The following UGT2B17 variants were observed in gnomAD, a reference collection of about 807,000 sequenced individuals.
UGT2B17 encodes the protein UDP glucuronosyltransferase family 2 member B17.
Under a neutral mutation model 48.2 loss-of-function variants are expected in UGT2B17, and 21 were observed. The observed-to-expected ratio is 0.44, with a 90% CI of 0.31 to 0.63. The LOEUF (loss-of-function observed/expected upper bound fraction) is 0.63, where lower values mean the gene tolerates loss of function less well. Among genes scored for constraint, UGT2B17 ranks in the 20% least tolerant of loss-of-function variants. UGT2B17 has a pLI of 0.08. For synonymous variants in UGT2B17, 146 were observed against 238.4 expected (o/e 0.61, Z 3.57); for missense variants, 402 against 696.1 (o/e 0.58, Z 4.75).
Position 68,568,049 on chromosome 4 carries a change from AT to A in UGT2B17, c.435del (p.Lys145AsnfsTer58). 1 of 1,382,800 alleles carries A rather than the reference AT, an allele frequency of 7.2e-7. No homozygotes were observed. The highest frequency in any genetic ancestry group is 9.5e-7 in the Non-Finnish European group (1 of 1,055,524). 85.7% of individuals were successfully genotyped at this position (1,382,800 alleles called of 1,614,324 possible). On this transcript the variant is annotated frameshift_variant, in exon 2 of 7. Coordinates refer to ENST00000317746, the MANE Select transcript of UGT2B17 (RefSeq NM_001077.4). LOFTEE classifies it high-confidence loss of function. ...ACGGCATCTGCCAGAAGGACATCAA[AT>A]TTTGACTCTTGTAGTTTTCTCATAA... ...KKLMRKLQES[K>X]FDVLLADAVN... is the part of the protein sequence containing the mutation.
At chr4:68,559,168 C>T (rs1402672453) in intron 4 of UGT2B17, among the ~76,000 whole-genome samples, 1 of 123,732 alleles carries the variant, frequency 8.1e-6, no homozygotes, top group Non-Finnish European at 1.7e-5. Context: ...TACTTATATC[C>T]ACTTGTCTAC....
rs187178490 is a variant in UGT2B17, at chr4:68,549,852, G to A, written c.1313+825C>T. On this transcript the variant is annotated intron_variant, in intron 6 of 6. Coordinates refer to ENST00000317746, the MANE Select transcript of UGT2B17 (RefSeq NM_001077.4). ...ACAGAAAATATGTATAACAATATTCGTAAGTGCCAAAATTGGAAAGACCTA... is the reference window on the plus strand; with the variant it reads ...ACAGAAAATATGTATAACAATATTCATAAGTGCCAAAATTGGAAAGACCTA... 2.9e-4 allele frequency among the ~76,000 whole-genome samples: 37 copies of A among 125,432 alleles called. 10 individuals are homozygous for A. Among genetic ancestry groups the A allele is most frequent in the Admixed American group, 7.4e-4 (9 of 12,160 alleles). 82.3% of individuals were successfully genotyped at this position (125,432 alleles called of 152,430 possible).
Position 68,562,117 on chromosome 4 carries a change from T to A in UGT2B17, c.874-1449A>T, listed in dbSNP as rs1287006654. On this transcript the variant is annotated intron_variant, in intron 3 of 6. Coordinates refer to ENST00000317746, the MANE Select transcript of UGT2B17 (RefSeq NM_001077.4). Reference sequence around the variant, plus strand: ...CATCTTTTATTTTTATTTTATTTTATTTATTTATTTATTTTTGAGATGGAG... The same window carrying A: ...CATCTTTTATTTTTATTTTATTTTAATTATTTATTTATTTTTGAGATGGAG... Among the ~76,000 whole-genome samples the A allele has an allele frequency of 3.2e-5, 4 of 124,722 alleles. 1 individual carries two copies. The highest frequency in any genetic ancestry group is 8.3e-5 in the Admixed American group (1 of 12,030). 81.8% of individuals were successfully genotyped at this position (124,722 alleles called of 152,430 possible).
At chr4:68,573,538 G>C (rs1294763233) in intron 1 of UGT2B17, among the ~76,000 whole-genome samples, 1 of 126,192 alleles carries the variant, frequency 7.9e-6, no homozygotes, top group Non-Finnish European at 1.7e-5. Context: ...GCAGGGCTTC[G>C]ATTGCATCTA....
intron 6 of UGT2B17, among the ~76,000 whole-genome samples, chr4:68,548,018 C>T (rs4860303): frequency 0.33 from 40,942 of 124,866 alleles, 13,259 homozygotes; most frequent in Admixed American, 0.43. Context: ...GTCAGTGTGG[C>T]GATTCCTCAG....
chr4:68,552,759 A>G (rs563164877), intron 4 of UGT2B17, among the ~76,000 whole-genome samples: 2 of 125,644 alleles, frequency 1.6e-5, no homozygotes, highest in African/African-American at 5.4e-5. Flanking sequence ...TCTGGGAGCA[A>G]CCCCTCCAGA....
chr4:68,562,981 T>A (rs1333873349), intron 3 of UGT2B17, among the ~76,000 whole-genome samples: 1 of 126,240 alleles, frequency 7.9e-6, no homozygotes, highest in Non-Finnish European at 1.7e-5. Flanking sequence ...ATTGTATAAG[T>A]TTTTAACCAT....
chr4:68,565,747 A>G, intron 2 of UGT2B17, 27 bp from the exon 3 acceptor site: 1 of 1,323,298 alleles, frequency 7.6e-7, no homozygotes, highest in Non-Finnish European at 9.8e-7. Context: ...AAACAAAACA[A>G]AAGGTAGCTA....
Position 68,539,299 on chromosome 4 carries a change from T to C in UGT2B17, c.1314-1395A>G, listed in dbSNP as rs1206813088. On this transcript the variant is annotated intron_variant, in intron 6 of 6. Coordinates refer to ENST00000317746, the MANE Select transcript of UGT2B17 (RefSeq NM_001077.4). ...ACCTGAATTCTAATATCATAGATTA[T>C]GTTTATATAATTGAATTAAATAATA... 1.6e-5 allele frequency among the ~76,000 whole-genome samples: 2 copies of C among 125,796 alleles called. 1 individual carries two copies. The highest frequency in any genetic ancestry group is 5.4e-5 in the African/African-American group (2 of 37,008). The allele number at this position is 125,796 out of a possible 152,430, so 82.5% of individuals were successfully genotyped here.
At chr4:68,571,370 G>C (rs1391638599) in intron 1 of UGT2B17, among the ~76,000 whole-genome samples, 1 of 125,478 alleles carries the variant, frequency 8.0e-6, no homozygotes, top group Non-Finnish European at 1.7e-5. Flanking sequence ...CATAAGCTTT[G>C]TGTCCACATA....
At chr4:68,550,184 T>C (rs976290907) in intron 6 of UGT2B17, among the ~76,000 whole-genome samples, 2 of 124,666 alleles carry the variant, frequency 1.6e-5, no homozygotes, top group Non-Finnish European at 3.4e-5. Flanking sequence ...TTATTTAGGG[T>C]TGTGGCTTCG....
intron 3 of UGT2B17, among the ~76,000 whole-genome samples, chr4:68,562,058 T>C (rs1402832238): frequency 7.9e-6 from 1 of 125,854 alleles, no homozygotes; most frequent in African/African-American, 2.7e-5. Context: ...GACCATATAT[T>C]GGTATTTTTC....
rs1459544811 is a variant in UGT2B17, at chr4:68,556,023, G to T, written c.1006-4112C>A. 3.4e-5 allele frequency among the ~76,000 whole-genome samples: 4 copies of T among 116,726 alleles called. 1 individual carries two copies. Among genetic ancestry groups the T allele is most frequent in the Non-Finnish European group, 5.3e-5 (3 of 56,546 alleles). 76.6% of individuals were successfully genotyped at this position (116,726 alleles called of 152,430 possible). On this transcript the variant is annotated intron_variant, in intron 4 of 6. Transcript: ENST00000317746. ...TAGTCCTAGAATAAAATGATCAGTT[G>T]TGTAAGAAAGAAGGATGTTCAGGAC...
At chr4:68,539,143 T>C (rs1478431498) in intron 6 of UGT2B17, among the ~76,000 whole-genome samples, 2 of 126,422 alleles carry the variant, frequency 1.6e-5, no homozygotes, top group Non-Finnish European at 3.4e-5. Context: ...GCTATGTGAC[T>C]ATCTCAAAAT....
intron 2 of UGT2B17, 94 bp from the exon 3 acceptor site, chr4:68,565,814 G>A (rs1472374438): frequency 9.2e-7 from 1 of 1,089,464 alleles, no homozygotes; most frequent in Non-Finnish European, 1.2e-6. Context: ...AAAGGACTTG[G>A]AATAACATAC....
At position 68,566,363 on chromosome 4, in the gene UGT2B17, C is replaced by T. The variant is rs1435205001; in HGVS notation, c.725-643G>A. 2.5e-5 allele frequency among the ~76,000 whole-genome samples: 3 copies of T among 118,374 alleles called. 1 individual carries two copies. Among genetic ancestry groups the T allele is most frequent in the Admixed American group, 9.1e-5 (1 of 11,038 alleles). The allele number at this position is 118,374 out of a possible 152,430, so 77.7% of individuals were successfully genotyped here. Reference sequence around the variant, plus strand: ...ATCATAAATAATTATTAAAATAAGTCACTAATATGGTTTGACTGTCCCCAC... The same window carrying T: ...ATCATAAATAATTATTAAAATAAGTTACTAATATGGTTTGACTGTCCCCAC... On this transcript the variant is annotated intron_variant, in intron 2 of 6. Coordinates refer to ENST00000317746, the MANE Select transcript of UGT2B17 (RefSeq NM_001077.4).
rs1177958484 is a variant in UGT2B17, at chr4:68,562,696, T to C, written c.874-2028A>G. The stretch of plus-strand genomic sequence containing the variant: ...GTAGTCTTGTAAAAGTATGAAAATT[T>C]AGGAAAAAAATCATTTTTCCCATAT... On this transcript the variant is annotated intron_variant, in intron 3 of 6. Transcript: ENST00000317746. 1.6e-5 allele frequency among the ~76,000 whole-genome samples: 2 copies of C among 126,320 alleles called. 1 individual carries two copies. Among genetic ancestry groups the C allele is most frequent in the Non-Finnish European group, 3.4e-5 (2 of 59,686 alleles). The allele number at this position is 126,320 out of a possible 152,430, so 82.9% of individuals were successfully genotyped here.
At chr4:68,570,757 A>G (rs1731285695) in intron 1 of UGT2B17, among the ~76,000 whole-genome samples, 1 of 126,392 alleles carries the variant, frequency 7.9e-6, no homozygotes, top group African/African-American at 2.7e-5. Flanking sequence ...GCAGGTTTTT[A>G]TAATTATTGT....
chr4:68,555,630 A>T lies in UGT2B17; in HGVS notation c.1006-3719T>A, dbSNP rs1250872669. On this transcript the variant is annotated intron_variant, in intron 4 of 6. Coordinates refer to ENST00000317746, the MANE Select transcript of UGT2B17 (RefSeq NM_001077.4). ...ATGATGACTACCACACTTTTCACAA[A>T]TATTCTAGGTAAATGACTAAATAAT... Among the ~76,000 whole-genome samples, 2 of 125,826 alleles carry T rather than the reference A, an allele frequency of 1.6e-5. 1 individual carries two copies. The highest frequency in any genetic ancestry group is 3.4e-5 in the Non-Finnish European group (2 of 59,356). The allele number at this position is 125,826 out of a possible 152,430, so 82.5% of individuals were successfully genotyped here. A position where few individuals can be genotyped will look rare whatever the true frequency, so the allele number is the denominator to read the frequency against.
Sources: allele counts gnomAD v4.1 joint callset (sites outside exome capture counted in the v4.1 genomes callset), GRCh38; gene constraint gnomAD v4.1.1; transcripts MANE v1.5; gene names NCBI Gene and HGNC (gene_info 2026-07-23, HGNC 2026-07-21).